The following WDR72 variants were observed in gnomAD, a reference collection of about 807,000 sequenced individuals.
The protein encoded by WDR72 is WD repeat-containing protein 72.
In WDR72, 120 loss-of-function variants were observed where a neutral mutation model predicts 124.2. That is an observed-to-expected ratio of 0.97 (90% CI 0.83 to 1.12). WDR72 has a LOEUF of 1.12. Among genes scored for constraint, WDR72 ranks in the 50% most tolerant of loss-of-function variants. The pLI, the probability that WDR72 is intolerant of heterozygous loss-of-function variation, is 0.00. For synonymous variants in WDR72, 452 were observed against 441.7 expected (o/e 1.02, Z -0.29); for missense variants, 1,387 against 1,278.8 (o/e 1.08, Z -1.29).
chr15:53,539,067 C>T (rs1178609418), intron 18 of WDR72, among the ~76,000 whole-genome samples: 2 of 152,080 alleles, frequency 1.3e-5, no homozygotes, highest in Non-Finnish European at 2.9e-5. Context: ...GATGACAACA[C>T]TTTACCCCAG....
chr15:53,751,395 C>T (rs2018770389), intron 1 of WDR72, among the ~76,000 whole-genome samples: 1 of 152,168 alleles, frequency 6.6e-6, no homozygotes, highest in African/African-American at 2.4e-5. Context: ...AGACCCTCCT[C>T]CAGCAAAAAG....
chr15:53,722,475 G>C (rs1175653842), intron 3 of WDR72, among the ~76,000 whole-genome samples: 1 of 152,192 alleles, frequency 6.6e-6, no homozygotes, highest in Non-Finnish European at 1.5e-5. Flanking sequence ...CAAACACCTA[G>C]ACTTTTTCAT....
intron 14 of WDR72, among the ~76,000 whole-genome samples, chr15:53,662,913 T>C (rs2140446649): frequency 6.6e-6 from 1 of 151,798 alleles, no homozygotes; most frequent in East Asian, 2.0e-4. Flanking sequence ...AGAAAAACTT[T>C]TTAAATTTAG....
At chr15:53,634,675 A>G (rs2014559651) in intron 14 of WDR72, among the ~76,000 whole-genome samples, 1 of 152,204 alleles carries the variant, frequency 6.6e-6, no homozygotes, top group Admixed American at 6.5e-5. Context: ...GACAATATTT[A>G]ACCTACTCCA....
At chr15:53,640,405 C>T (rs2014802712) in intron 14 of WDR72, among the ~76,000 whole-genome samples, 1 of 152,060 alleles carries the variant, frequency 6.6e-6, no homozygotes, top group African/African-American at 2.4e-5. Context: ...TACTAAGTCT[C>T]CTAAAAATCT....
Position 53,539,078 on chromosome 15 carries a change from A to G in WDR72, c.3149-15756T>C, listed in dbSNP as rs115231481. On this transcript the variant is annotated intron_variant, in intron 18 of 19. Coordinates refer to ENST00000360509, the MANE Select transcript of WDR72 (RefSeq NM_182758.4). ...TTCTGATGACAACACTTTACCCCAG[A>G]AAATAAAGTAACATACTTAAAAATT... Among the ~76,000 whole-genome samples, 1,313 of 152,300 alleles carry G rather than the reference A, an allele frequency of 8.6e-3. 23 individuals are homozygous for G. Among genetic ancestry groups the G allele is most frequent in the African/African-American group, 0.03 (1,267 of 41,556 alleles).
intron 18 of WDR72, among the ~76,000 whole-genome samples, chr15:53,540,657 C>T (rs375459225): frequency 2.1e-4 from 32 of 151,870 alleles, no homozygotes; most frequent in African/African-American, 5.8e-4. Context: ...TGGCTGAATA[C>T]GAACAGCTCC....
At chr15:53,648,730 A>G (rs1457494465) in intron 14 of WDR72, among the ~76,000 whole-genome samples, 3 of 152,128 alleles carry the variant, frequency 2.0e-5, no homozygotes, top group Non-Finnish European at 4.4e-5. Context: ...TTAAATTGAA[A>G]TCAATACCCA....
At chr15:53,635,072 G>A (rs374445555) in intron 14 of WDR72, among the ~76,000 whole-genome samples, 17 of 152,206 alleles carry the variant, frequency 1.1e-4, no homozygotes, top group African/African-American at 4.1e-4. Flanking sequence ...AGTGACTTGA[G>A]AAACTGCAGA....
intron 9 of WDR72, among the ~76,000 whole-genome samples, chr15:53,706,372 A>G (rs1305726133): frequency 1.4e-4 from 9 of 63,332 alleles, no homozygotes; most frequent in African/African-American, 3.3e-4. Context: ...ATATATATAT[A>G]TATATATATA....
intron 14 of WDR72, among the ~76,000 whole-genome samples, chr15:53,619,638 G>T (rs1330538524): frequency 2.0e-5 from 3 of 151,860 alleles, no homozygotes; most frequent in Non-Finnish European, 4.4e-5. Flanking sequence ...CTTATGCTGT[G>T]GTATCCCATC....
chr15:53,595,094 T>C (rs926015566), intron 18 of WDR72, among the ~76,000 whole-genome samples: 1 of 152,110 alleles, frequency 6.6e-6, no homozygotes, highest in Non-Finnish European at 1.5e-5. Context: ...AAATAAAGTA[T>C]TCTAAATTTC....
intron 18 of WDR72, among the ~76,000 whole-genome samples, chr15:53,568,066 TG>T (rs1452371313): frequency 3.5e-5 from 2 of 56,672 alleles, no homozygotes; most frequent in African/African-American, 6.7e-5. Flanking sequence ...AGGCATTTTT[TG>T]TCTTGTTTTT....
intron 14 of WDR72, among the ~76,000 whole-genome samples, chr15:53,654,471 A>G (rs1157401124): frequency 2.0e-5 from 3 of 152,216 alleles, no homozygotes; most frequent in East Asian, 1.9e-4. Context: ...ATAATAACTC[A>G]ATGTTTTAAA....
At chr15:53,683,732 G>A (rs911370233) in intron 13 of WDR72, among the ~76,000 whole-genome samples, 2 of 151,988 alleles carry the variant, frequency 1.3e-5, no homozygotes, top group Non-Finnish European at 2.9e-5. Flanking sequence ...AGAGAAAGAG[G>A]AAGAAGAGAT....
rs374564109 is a variant in WDR72, at chr15:53,622,760, C to T, written c.1963-6517G>A. Among the ~76,000 whole-genome samples, 12 of 151,828 alleles carry T rather than the reference C, an allele frequency of 7.9e-5. No individual in the cohort carries two copies. In the South Asian group the frequency reaches 2.3e-3, roughly 29 times the overall value. Reference sequence around the variant, plus strand: ...TACCTATGTAACAAACCTGTACATCCTGCATATGTATCCCAGAACTAAACT... The same window carrying T: ...TACCTATGTAACAAACCTGTACATCTTGCATATGTATCCCAGAACTAAACT... On this transcript the variant is annotated intron_variant, in intron 14 of 19. Transcript: ENST00000360509.
intron 1 of WDR72, among the ~76,000 whole-genome samples, chr15:53,749,754 G>A (rs149195191): frequency 6.6e-6 from 1 of 152,270 alleles, no homozygotes; most frequent in African/African-American, 2.4e-5. Context: ...GTGAATACAT[G>A]AATGATCAGA....
At chr15:53,753,153 T>A (rs977931371) in intron 1 of WDR72, among the ~76,000 whole-genome samples, 2 of 152,232 alleles carry the variant, frequency 1.3e-5, no homozygotes, top group Non-Finnish European at 2.9e-5. Flanking sequence ...GTTATCTTCT[T>A]CCTTGGCCCT....
At chr15:53,698,234 G>A (rs1319383479) in intron 13 of WDR72, among the ~76,000 whole-genome samples, 3 of 152,142 alleles carry the variant, frequency 2.0e-5, no homozygotes, top group Non-Finnish European at 4.4e-5. Context: ...AGGGTATCCC[G>A]ATGGGAAAAG....
Sources: gnomAD v4.1 joint callset for allele counts (sites outside exome capture counted in the v4.1 genomes callset) on GRCh38, gnomAD v4.1.1 for gene constraint, MANE v1.5 for transcripts, NCBI Gene and HGNC (gene_info 2026-07-23, HGNC 2026-07-21) for gene names.